The following ACAD10 variants were observed in gnomAD, a reference collection of about 807,000 sequenced individuals.
ACAD10 encodes the protein acyl-CoA dehydrogenase family member 10.
In ACAD10, 112 loss-of-function variants were observed where a neutral mutation model predicts 116.8. That is an observed-to-expected ratio of 0.96 (90% CI 0.82 to 1.12). The LOEUF is 1.12. Ranked by LOEUF, ACAD10 falls within the 50% of genes most tolerant of loss-of-function variation. The probability of loss-of-function intolerance (pLI) is 0.00; values close to 1 mark genes in which losing one functional copy is unlikely to be tolerated. For synonymous variants in ACAD10, 486 were observed against 510.6 expected (o/e 0.95, Z 0.65); for missense variants, 1,259 against 1,350.2 (o/e 0.93, Z 1.06).
intron 17 of ACAD10, chr12:111,748,893 A>C (rs1054075896): frequency 4.7e-5 from 49 of 1,045,064 alleles, no homozygotes; most frequent in Non-Finnish European, 6.8e-5. Flanking sequence ...GGATCACTAC[A>C]TTGTCACAAA....
In ACAD10 at chr12:111,749,306, C is replaced by G. The variant is rs781740591; in HGVS notation, c.2778C>G (p.Ile926Met). 2 of 1,613,894 alleles carry G rather than the reference C, an allele frequency of 1.2e-6. No homozygotes were observed. Among genetic ancestry groups the G allele is most frequent in the South Asian group, 1.1e-5 (1 of 91,072 alleles). Reference protein sequence around the residue: ...PGRIHHCMRLIGFSERALALM... With the variant: ...PGRIHHCMRLMGFSERALALM... Reference sequence around the variant, plus strand: ...GGATCCATCACTGCATGAGGCTGATCGGGTTCTCAGAGAGGGCCCTGGCAC... The same window carrying G: ...GGATCCATCACTGCATGAGGCTGATGGGGTTCTCAGAGAGGGCCCTGGCAC... The change falls in exon 18 of 21, where the codon ATC becomes ATG. Residue 926 changes from isoleucine to methionine, a missense_variant. Coordinates refer to ENST00000313698, the MANE Select transcript of ACAD10 (RefSeq NM_025247.6).
chr12:111,705,645 G>A, intron 3 of ACAD10, 93 bp from the exon 4 acceptor site: 1 of 1,188,720 alleles, frequency 8.4e-7, no homozygotes, highest in Non-Finnish European at 1.2e-6. Context: ...AGAGCAGAAG[G>A]ACGCCAGGAA....
intron 18 of ACAD10, among the ~76,000 whole-genome samples, chr12:111,750,809 A>G (rs1280673596): frequency 6.6e-6 from 1 of 152,226 alleles, no homozygotes; most frequent in Non-Finnish European, 1.5e-5. Context: ...AATTTCAGAA[A>G]GGTGACGCAA....
intron 7 of ACAD10, among the ~76,000 whole-genome samples, chr12:111,716,211 C>T (rs1388576755): frequency 1.3e-5 from 2 of 151,882 alleles, no homozygotes; most frequent in South Asian, 4.1e-4. Flanking sequence ...CCCCCCATCC[C>T]CCCCCAAAAA....
In ACAD10 at chr12:111,747,080, A is replaced by G. The variant is rs779902349; in HGVS notation, c.2288A>G (p.Asn763Ser). The G allele has an allele frequency of 6.8e-6, 11 of 1,611,912 alleles. No homozygotes were observed. The highest frequency in any genetic ancestry group is 5.9e-6 in the Non-Finnish European group (7 of 1,178,624). Residue 763 changes from asparagine to serine, a missense_variant, in exon 15 of 21, where the codon AAC (asparagine) becomes AGC (serine). By Grantham distance (46) the Asn-to-Ser change is conservative (BLOSUM62 1). Coordinates refer to ENST00000313698, the MANE Select transcript of ACAD10 (RefSeq NM_025247.6). Reference sequence around the variant, plus strand: ...AACTGCTCTGCGCCTGACACGGGCAACATGGAGCTGCTGGTGAGGTATGGC... The same window carrying G: ...AACTGCTCTGCGCCTGACACGGGCAGCATGGAGCTGCTGGTGAGGTATGGC... ...VCNCSAPDTG[N>S]MELLVRYGTE...
In ACAD10 at chr12:111,753,934, G is replaced by A. The variant is rs1389981485; in HGVS notation, c.2961+19G>A. ...AAACAAGGTAGGGGCAGGGGCACGA[G>A]GGGGCCTCCCAGAGGCAGAGATTCT... On this transcript the variant is annotated intron_variant, in intron 19 of 20. Transcript: ENST00000313698. The A allele has an allele frequency of 6.3e-7, 1 of 1,586,408 alleles. No homozygotes were observed. The highest frequency in any genetic ancestry group is 1.1e-5 in the South Asian group (1 of 88,176).
chr12:111,745,176 G>A (rs1292657499), intron 13 of ACAD10, 133 bp downstream of exon 13: 12 of 1,032,900 alleles, frequency 1.2e-5, no homozygotes, highest in African/African-American at 1.6e-5. Flanking sequence ...TGCTTCCATC[G>A]TCTCAGAAAG....
chr12:111,694,339 C>G (rs899835609), intron 2 of ACAD10, among the ~76,000 whole-genome samples: 1 of 152,148 alleles, frequency 6.6e-6, no homozygotes, highest in African/African-American at 2.4e-5. Flanking sequence ...GTCCACTCCC[C>G]CTGCTCCTTA....
intron 7 of ACAD10, among the ~76,000 whole-genome samples, chr12:111,718,036 C>CTATTTTTTTTTTTTTTTTTTTTTTTT (rs1888894434): frequency 1.6e-5 from 1 of 63,680 alleles, no homozygotes; most frequent in African/African-American, 8.2e-5. Flanking sequence ...TAGTGATATC[C>CTATTTTTTTTTTTTTTTTTTTTTTTT]TTTTTTTTTT....
intron 4 of ACAD10, among the ~76,000 whole-genome samples, chr12:111,708,866 C>T (rs953909926): frequency 2.6e-5 from 4 of 152,080 alleles, no homozygotes; most frequent in African/African-American, 4.8e-5. Flanking sequence ...CCACCCATTA[C>T]GGATCAGATA....
intron 12 of ACAD10, among the ~76,000 whole-genome samples, chr12:111,738,993 TG>T (rs1412433522): frequency 2.0e-4 from 1 of 4,890 alleles, no homozygotes; most frequent in Non-Finnish European, 4.1e-4. Flanking sequence ...AATTGGAAAA[TG>T]GGGTGGGGGG....
chr12:111,716,534 TAA>T (rs1888851458), intron 7 of ACAD10, among the ~76,000 whole-genome samples: 2 of 152,210 alleles, frequency 1.3e-5, no homozygotes, highest in South Asian at 4.1e-4. Context: ...CTGTATGTAT[TAA>T]TATGCTCACC....
chr12:111,720,841 T>C (rs955122411), intron 7 of ACAD10, among the ~76,000 whole-genome samples: 18 of 152,242 alleles, frequency 1.2e-4, no homozygotes, highest in African/African-American at 4.3e-4. Flanking sequence ...CGGAGCACAG[T>C]GGAGCGATCT....
chr12:111,707,215 A>G (rs1423037426), intron 4 of ACAD10, among the ~76,000 whole-genome samples: 1 of 151,598 alleles, frequency 6.6e-6, no homozygotes, highest in African/African-American at 2.4e-5. Context: ...TCAGCCTCCT[A>G]GTAGCTGAGA....
intron 2 of ACAD10, among the ~76,000 whole-genome samples, chr12:111,693,363 A>AC: frequency 6.6e-6 from 1 of 152,142 alleles, no homozygotes; most frequent in East Asian, 1.9e-4. Context: ...ACATAGTGAG[A>AC]CCCCGTATCT....
intron 11 of ACAD10, 103 bp downstream of exon 11, chr12:111,734,171 A>G: frequency 6.6e-7 from 1 of 1,521,604 alleles, no homozygotes; most frequent in Admixed American, 1.8e-5. Flanking sequence ...GGGAAGTGAA[A>G]GTGAGGTCCT....
intron 8 of ACAD10, among the ~76,000 whole-genome samples, chr12:111,722,675 CAT>C (rs1283873278): frequency 1.3e-5 from 2 of 152,144 alleles, no homozygotes; most frequent in Non-Finnish European, 2.9e-5. Flanking sequence ...GGACACAGCA[CAT>C]GTTTCAGAGA....
intron 11 of ACAD10, among the ~76,000 whole-genome samples, chr12:111,735,258 G>GAAGAAA (rs1242204054): frequency 6.6e-5 from 10 of 151,874 alleles, no homozygotes; most frequent in African/African-American, 2.4e-4. Context: ...AGACATTTGG[G>GAAGAAA]TTAATTCCTA....
In ACAD10 at chr12:111,736,831, G is replaced by T. The variant is rs757181387; in HGVS notation, c.1541G>T (p.Gly514Val). 7.4e-6 allele frequency: 12 copies of T among 1,612,576 alleles called. No individual in the cohort carries two copies. In the South Asian group the frequency reaches 1.1e-4, roughly 15 times the overall value. Residue 514 changes from glycine (G) to valine (V), a missense_variant and splice_region_variant, in exon 12 of 21, where the codon GGT becomes GTT. Physicochemically the swap from Gly to Val is moderately radical, Grantham distance 109. Coordinates refer to ENST00000313698, the MANE Select transcript of ACAD10 (RefSeq NM_025247.6). ...YLPSSFPVLR[G>V]INDCDLTQLG... Reference sequence around the variant, plus strand: ...ATGAATGGCTCTGTCTTTCTCGCAGGTATTAATGACTGTGACTTGACACAG... The same window carrying T: ...ATGAATGGCTCTGTCTTTCTCGCAGTTATTAATGACTGTGACTTGACACAG...
Sources: allele counts gnomAD v4.1 joint callset (sites outside exome capture counted in the v4.1 genomes callset), GRCh38; gene constraint gnomAD v4.1.1; transcripts MANE v1.5; gene names NCBI Gene and HGNC (gene_info 2026-07-23, HGNC 2026-07-21).